BCAS3: variants seen among roughly 807,000 people sequenced by gnomAD.
The protein encoded by BCAS3 is BCAS3 microtubule associated cell migration factor, also known as BCAS4/BCAS3 fusion.
A neutral mutation model predicts 116.1 loss-of-function variants in BCAS3; 53 were observed. That is an observed-to-expected ratio of 0.46 (90% confidence interval 0.37 to 0.57). The LOEUF is 0.57. Among genes scored for constraint, BCAS3 ranks in the 20% least tolerant of loss-of-function variants. BCAS3 has a pLI of 0.00. For synonymous variants in BCAS3, 391 were observed against 408.2 expected, an observed-to-expected ratio of 0.96 and a Z score of 0.51; for missense variants, 917 against 1,165.4, an observed-to-expected ratio of 0.79 and a Z score of 3.10.
rs1404416539 is a variant in BCAS3 at position 61,222,586 on chromosome 17, T to C, written c.2425+138022T>C. Among the ~76,000 whole-genome samples, 1 of 152,222 alleles carries C rather than the reference T, an allele frequency of 6.6e-6. No individual in the cohort carries two copies. Among genetic ancestry groups the C allele is most frequent in the Non-Finnish European group, 1.5e-5 (1 of 68,040 alleles). On this transcript the variant is annotated intron_variant, in intron 22 of 23. Transcript: ENST00000407086. This position sits in a 1 kb window ranked among gnomAD's most constrained non-coding sequence, Gnocchi z 6.1. ...TGTGAAATCTCAGGCTCCTGCCTCA[T>C]GTCTCTGTAGCTTAGTAATAACTGA...
At chr17:61,197,519 C>G (rs966466123) in intron 22 of BCAS3, among the ~76,000 whole-genome samples, 3 of 152,182 alleles carry the variant, frequency 2.0e-5, no homozygotes, top group African/African-American at 7.2e-5. Context: ...TTGTAATGAT[C>G]TGCCTGAAAC....
chr17:60,941,987 C>T (rs2060246682), intron 13 of BCAS3, among the ~76,000 whole-genome samples: 1 of 152,096 alleles, frequency 6.6e-6, no homozygotes, highest in Non-Finnish European at 1.5e-5. Flanking sequence ...TTGTCAAGTG[C>T]AGAAAATTTG....
intron 5 of BCAS3, among the ~76,000 whole-genome samples, chr17:60,711,050 A>G (rs1043974110): frequency 7.3e-5 from 11 of 149,814 alleles, no homozygotes; most frequent in South Asian, 2.1e-4. Flanking sequence ...TGATCCTCCT[A>G]CTTGGCCTCC....
At chr17:60,933,442 T>A (rs1399299702) in intron 13 of BCAS3, among the ~76,000 whole-genome samples, 2 of 152,160 alleles carry the variant, frequency 1.3e-5, no homozygotes, top group Admixed American at 6.5e-5. Flanking sequence ...TAATTACCCC[T>A]CCTTGGCAGG....
chr17:61,275,103 A>C (rs2050658805), intron 22 of BCAS3, among the ~76,000 whole-genome samples: 1 of 151,888 alleles, frequency 6.6e-6, no homozygotes, highest in Non-Finnish European at 1.5e-5. Flanking sequence ...CTCTCACATC[A>C]GCCTCCCAAA....
In BCAS3 at chr17:61,241,638, G is replaced by A. The variant is rs1157620415; in HGVS notation, c.2426-126689G>A. On this transcript the variant is annotated intron_variant, in intron 22 of 23. Coordinates refer to ENST00000407086, the MANE Select transcript of BCAS3 (RefSeq NM_017679.5). This position sits in a 1 kb window ranked among gnomAD's most constrained non-coding sequence, Gnocchi z 4.6. ...GGAGGATGAGGCAGGAAAATGGCGT[G>A]AACCCAGGAGCCAGAGCTTGCAGTG... is the stretch of plus-strand genomic sequence containing the variant. 6.6e-6 allele frequency among the ~76,000 whole-genome samples: 1 copy of A among 152,044 alleles called. No homozygotes were observed. Among genetic ancestry groups the A allele is most frequent in the African/African-American group, 2.4e-5 (1 of 41,400 alleles).
Position 60,902,716 on chromosome 17 carries a change from G to A in BCAS3, c.822+13G>A, listed in dbSNP as rs779365804. 12 of 1,567,680 alleles carry A rather than the reference G, an allele frequency of 7.7e-6. No homozygotes were observed. The highest frequency in any genetic ancestry group is 2.2e-5 in the South Asian group (2 of 89,888). On this transcript the variant is annotated intron_variant, in intron 11 of 23. Transcript: ENST00000407086. ...TAGTGCTGCTAAAGTGAGTACCTCC[G>A]AAATCTTGGAGAGTTGTGGTTATGT...
chr17:60,807,961 A>G, intron 6 of BCAS3, 43 bp from the exon 7 acceptor site: 1 of 1,353,656 alleles, frequency 7.4e-7, no homozygotes, highest in Non-Finnish European at 1.0e-6. Flanking sequence ...ATTATACAAT[A>G]ATATTCCTCA....
chr17:61,360,027 G>A (rs1401591028), intron 22 of BCAS3, among the ~76,000 whole-genome samples: 1 of 130,252 alleles, frequency 7.7e-6, no homozygotes, highest in East Asian at 2.4e-4. Flanking sequence ...TTTTTTTTGA[G>A]ACAGAGTCTC....
At chr17:61,320,666 ACT>A (rs1341868080) in intron 22 of BCAS3, among the ~76,000 whole-genome samples, 6 of 148,644 alleles carry the variant, frequency 4.0e-5, no homozygotes, top group Admixed American at 1.3e-4. Flanking sequence ...ACAGAGCGAG[ACT>A]CTGTCTCAAA....
At chr17:60,715,166 C>G (rs1208886042) in intron 5 of BCAS3, among the ~76,000 whole-genome samples, 1 of 137,350 alleles carries the variant, frequency 7.3e-6, no homozygotes, top group Non-Finnish European at 1.5e-5. Context: ...CAGAGTCTTG[C>G]TCTGTGGCTC....
rs1387115101 is a variant in BCAS3 at position 61,281,971 on chromosome 17, A to G, written c.2426-86356A>G. On this transcript the variant is annotated intron_variant, in intron 22 of 23. Transcript: ENST00000407086. This position sits in a 1 kb window ranked among gnomAD's most constrained non-coding sequence, Gnocchi z 4.2. ...GACTTTTTTCTAAACAGCTATTTCA[A>G]TTTAGGCTGTTTCATGTAATGAGAG... Among the ~76,000 whole-genome samples the G allele has an allele frequency of 6.6e-6, 1 of 152,152 alleles. No individual in the cohort carries two copies. Among genetic ancestry groups the G allele is most frequent in the Admixed American group, 6.6e-5 (1 of 15,260 alleles).
chr17:61,031,716 A>C (rs773184761), intron 16 of BCAS3, among the ~76,000 whole-genome samples: 9 of 152,154 alleles, frequency 5.9e-5, no homozygotes, highest in Non-Finnish European at 1.3e-4. Flanking sequence ...GTTATGTAGC[A>C]GATAGCAAGT....
At chr17:60,733,264 A>G (rs2040641730) in intron 5 of BCAS3, among the ~76,000 whole-genome samples, 1 of 152,188 alleles carries the variant, frequency 6.6e-6, no homozygotes, top group African/African-American at 2.4e-5. Flanking sequence ...TGTTAGAATC[A>G]TTGATTTTGT....
intron 22 of BCAS3, among the ~76,000 whole-genome samples, chr17:61,268,374 C>A (rs1388210391): frequency 1.3e-5 from 2 of 152,004 alleles, no homozygotes; most frequent in Non-Finnish European, 2.9e-5. Flanking sequence ...TTTTCATTTT[C>A]TTTTGCTTTC....
At chr17:60,798,808 G>C (rs2047443035) in intron 6 of BCAS3, among the ~76,000 whole-genome samples, 1 of 152,222 alleles carries the variant, frequency 6.6e-6, no homozygotes, top group Non-Finnish European at 1.5e-5. Context: ...TTAGCAGTAT[G>C]TGAAAAGTGT....
intron 22 of BCAS3, among the ~76,000 whole-genome samples, chr17:61,100,102 T>C (rs1270536819): frequency 1.3e-5 from 2 of 152,202 alleles, no homozygotes; most frequent in East Asian, 3.8e-4. Context: ...ATATAAATGT[T>C]CAATGTTAAG....
At chr17:60,708,127 C>T (rs986164974) in intron 4 of BCAS3, among the ~76,000 whole-genome samples, 13 of 152,048 alleles carry the variant, frequency 8.5e-5, no homozygotes, top group African/African-American at 2.9e-4. Context: ...AGTTTGAGAC[C>T]AGCCTGGCAA....
chr17:60,940,105 C>T (rs527492003), intron 13 of BCAS3, among the ~76,000 whole-genome samples: 24 of 152,022 alleles, frequency 1.6e-4, no homozygotes, highest in African/African-American at 4.1e-4. Flanking sequence ...TGCAGGAGGA[C>T]GAATATAACA....
Sources: gnomAD v4.1 joint callset for allele counts (sites outside exome capture counted in the v4.1 genomes callset) on GRCh38, gnomAD v4.1.1 for gene constraint, Gnocchi (gnomAD v3.1) non-coding constraint, MANE v1.5 for transcripts, NCBI Gene and HGNC (gene_info 2026-07-23, HGNC 2026-07-21) for gene names.